The following TENM3 variants were observed in gnomAD, a reference collection of about 807,000 sequenced individuals.
TENM3 encodes teneurin transmembrane protein 3.
Under a neutral mutation model 255.1 loss-of-function variants are expected in TENM3, and 63 were observed. The observed-to-expected ratio is 0.25, with a 90% CI of 0.20 to 0.30. The LOEUF (loss-of-function observed/expected upper bound fraction) is 0.30. TENM3 is among the 10% of genes least tolerant of loss of function. The pLI, the probability that TENM3 is intolerant of heterozygous loss-of-function variation, is 1.00. For missense variants in TENM3, 2,929 were observed against 3,461.1 expected, an observed-to-expected ratio of 0.85 and a Z score of 3.86; for synonymous variants, 1,306 against 1,322.3, an observed-to-expected ratio of 0.99 and a Z score of 0.27.
the TENM3 span, among the ~76,000 whole-genome samples, chr4:181,502,448 G>A: frequency 1.3e-5 from 2 of 152,172 alleles, no homozygotes; most frequent in Admixed American, 6.5e-5. Flanking sequence ...GGGAGGGTCT[G>A]GAGTAAAATG....
the TENM3 span, among the ~76,000 whole-genome samples, chr4:181,454,380 A>T: frequency 1.3e-5 from 2 of 152,128 alleles, no homozygotes; most frequent in Admixed American, 1.3e-4. Context: ...AAAAATTCCT[A>T]TTGCCTAGTG....
intron 3 of TENM3, among the ~76,000 whole-genome samples, chr4:182,416,749 T>C (rs1312877532): frequency 6.6e-6 from 1 of 152,158 alleles, no homozygotes; most frequent in Non-Finnish European, 1.5e-5. Context: ...GTTTATACAG[T>C]TATGCAAAAC....
intron 1 of TENM3, among the ~76,000 whole-genome samples, chr4:182,278,860 C>A (rs937642894): frequency 6.6e-6 from 1 of 152,162 alleles, no homozygotes; most frequent in Admixed American, 6.5e-5. Flanking sequence ...AGACAAAACC[C>A]TATGTCATGC....
chr4:181,561,526 G>A, the TENM3 span, among the ~76,000 whole-genome samples: 1 of 152,172 alleles, frequency 6.6e-6, no homozygotes, highest in Non-Finnish European at 1.5e-5. Flanking sequence ...TAATCAATCA[G>A]TAGTAACCTT....
At chr4:181,470,535 C>T in the TENM3 span, among the ~76,000 whole-genome samples, 2 of 152,186 alleles carry the variant, frequency 1.3e-5, no homozygotes, top group South Asian at 2.1e-4. Flanking sequence ...CTTCTCACTC[C>T]GAGAGCAGCA....
chr4:181,749,396 C>T, the TENM3 span, among the ~76,000 whole-genome samples: 1 of 152,106 alleles, frequency 6.6e-6, no homozygotes, highest in Non-Finnish European at 1.5e-5. Context: ...CTGTAACGTA[C>T]CGTTTTGAAG....
the TENM3 span, among the ~76,000 whole-genome samples, chr4:181,947,496 A>G: frequency 6.6e-6 from 1 of 152,198 alleles, no homozygotes; most frequent in African/African-American, 2.4e-5. Context: ...TCACTAACTC[A>G]TTCATATTCT....
chr4:182,405,163 C>T (rs558080073), intron 3 of TENM3, among the ~76,000 whole-genome samples: 3 of 152,312 alleles, frequency 2.0e-5, no homozygotes, highest in East Asian at 1.9e-4. Context: ...CATGGACTTC[C>T]ATTTCCCTAG....
intron 12 of TENM3, 132 bp from the exon 13 acceptor site, chr4:182,713,955 C>A: frequency 2.9e-6 from 2 of 685,686 alleles, no homozygotes; most frequent in Non-Finnish European, 4.9e-6. Context: ...GTTGCTGTTT[C>A]TATCCATGTG....
chr4:182,023,609 GC>G, the TENM3 span, among the ~76,000 whole-genome samples: 2 of 152,144 alleles, frequency 1.3e-5, no homozygotes, highest in Admixed American at 6.5e-5. Flanking sequence ...CTGATCACTG[GC>G]CCCCTGTGCA....
intron 12 of TENM3, among the ~76,000 whole-genome samples, chr4:182,692,957 T>C (rs1479937909): frequency 6.6e-6 from 1 of 152,192 alleles, no homozygotes; most frequent in East Asian, 1.9e-4. Flanking sequence ...TAGGATTTTT[T>C]CGCTGTTGAT....
chr4:181,777,342 G>T, the TENM3 span, among the ~76,000 whole-genome samples: 9 of 152,054 alleles, frequency 5.9e-5, no homozygotes, highest in South Asian at 1.9e-3. Context: ...GTCAGATAGC[G>T]TGATGCCTCC....
the TENM3 span, among the ~76,000 whole-genome samples, chr4:181,755,567 G>A: frequency 3.9e-5 from 6 of 152,124 alleles, no homozygotes; most frequent in African/African-American, 1.4e-4. Context: ...GTGACCATTC[G>A]GAAATCAGAC....
the TENM3 span, among the ~76,000 whole-genome samples, chr4:182,098,956 T>C: frequency 1.7e-5 from 2 of 117,922 alleles, no homozygotes; most frequent in African/African-American, 6.8e-5. Flanking sequence ...TGCACAACTC[T>C]TTTTTTCTTT....
chr4:181,466,240 C>G, the TENM3 span, among the ~76,000 whole-genome samples: 9 of 151,890 alleles, frequency 5.9e-5, no homozygotes, highest in Admixed American at 5.9e-4. Context: ...GCCTCAGCCT[C>G]CCGAGTAGCT....
chr4:182,719,606 T>A (rs1241743501), intron 13 of TENM3, among the ~76,000 whole-genome samples: 1 of 151,970 alleles, frequency 6.6e-6, no homozygotes, highest in Non-Finnish European at 1.5e-5. Context: ...GGGGGGTATA[T>A]CAGGAAGATG....
chr4:182,400,033 G>A (rs1356081397), intron 3 of TENM3, among the ~76,000 whole-genome samples: 3 of 152,148 alleles, frequency 2.0e-5, no homozygotes, highest in Admixed American at 6.5e-5. Context: ...CAGCTCTTAA[G>A]ATATTGAAAA....
At chr4:182,504,246 G>A (rs867492274) in intron 3 of TENM3, among the ~76,000 whole-genome samples, 1 of 151,378 alleles carries the variant, frequency 6.6e-6, no homozygotes, top group African/African-American at 2.4e-5. Context: ...ATTTTCTTTG[G>A]TTTTTGTGGT....
the TENM3 span, among the ~76,000 whole-genome samples, chr4:182,119,473 G>A: frequency 1.3e-5 from 2 of 152,082 alleles, no homozygotes; most frequent in Non-Finnish European, 2.9e-5. Context: ...GGTTCCAGCA[G>A]AGGTTTCTGC....
Sources: allele counts gnomAD v4.1 joint callset (sites outside exome capture counted in the v4.1 genomes callset), GRCh38; gene constraint gnomAD v4.1.1; transcripts MANE v1.5; gene names NCBI Gene and HGNC (gene_info 2026-07-23, HGNC 2026-07-21).